Variants in TRIM5 observed in about 807,000 individuals in gnomAD.
TRIM5 encodes tripartite motif containing 5, also known as tripartite motif-containing protein 5.
In TRIM5, 31 loss-of-function variants were observed where a neutral mutation model predicts 35.6. The ratio of observed to expected loss-of-function variants is 0.87; its 90% CI spans 0.65 to 1.18. The LOEUF is 1.18. Ranked by LOEUF, TRIM5 falls within the 50% of genes most tolerant of loss-of-function variation. The probability of loss-of-function intolerance (pLI) is 0.00; values close to 1 mark genes in which losing one functional copy is unlikely to be tolerated. For missense variants in TRIM5, 609 were observed against 591.6 expected (o/e 1.03, Z -0.31); for synonymous variants, 243 against 215.6 (o/e 1.13, Z -1.11).
At chr11:5,643,539 G>T in the TRIM5 span, 1 of 1,614,176 alleles carries the variant, frequency 6.2e-7, no homozygotes, top group African/African-American at 1.3e-5. Context: ...TCCCTGCCGT[G>T]TTGGGGTTTT....
the TRIM5 span, chr11:5,605,573 G>A: frequency 3.7e-6 from 6 of 1,609,924 alleles, no homozygotes; most frequent in East Asian, 2.2e-5. Flanking sequence ...TGCAGGTAAG[G>A]CTTGTGAAGG....
At chr11:5,673,514 A>G (rs1851722783) in intron 4 of TRIM5, among the ~76,000 whole-genome samples, 1 of 152,202 alleles carries the variant, frequency 6.6e-6, no homozygotes, top group South Asian at 2.1e-4. Flanking sequence ...TCAGTAATTA[A>G]TAGAAAAACT....
At chr11:5,632,982 G>A in the TRIM5 span, among the ~76,000 whole-genome samples, 4 of 135,116 alleles carry the variant, frequency 3.0e-5, no homozygotes, top group African/African-American at 1.1e-4. Context: ...GCCTGCCACC[G>A]CGCCTGGCTA....
chr11:5,620,796 A>T, the TRIM5 span, among the ~76,000 whole-genome samples: 47,437 of 151,916 alleles, frequency 0.31, 7,536 homozygotes, highest in African/African-American at 0.37. Context: ...GCTCTGGTAG[A>T]CCTCAGGAAT....
At chr11:5,595,428 A>G in the TRIM5 span, 4 of 152,242 alleles carry the variant, frequency 2.6e-5, no homozygotes, top group African/African-American at 4.8e-5. Context: ...ATACATACAT[A>G]CGTGTAATTT....
chr11:5,654,074 T>C, the TRIM5 span, among the ~76,000 whole-genome samples: 1 of 152,124 alleles, frequency 6.6e-6, no homozygotes, highest in African/African-American at 2.4e-5. Context: ...TCCTGATTTC[T>C]TTTTATTGCC....
chr11:5,609,510 T>A, the TRIM5 span, among the ~76,000 whole-genome samples: 1 of 152,076 alleles, frequency 6.6e-6, no homozygotes, highest in East Asian at 1.9e-4. Context: ...TTTTTAGAGG[T>A]AGCAAAAGAT....
the TRIM5 span, among the ~76,000 whole-genome samples, chr11:5,621,330 G>A: frequency 1.3e-5 from 2 of 152,178 alleles, no homozygotes; most frequent in African/African-American, 4.8e-5. Context: ...CTGCACTGGT[G>A]TCTCTAGATA....
chr11:5,681,130 C>T (rs1488074534), intron 1 of TRIM5, among the ~76,000 whole-genome samples: 1 of 152,116 alleles, frequency 6.6e-6, no homozygotes, highest in Admixed American at 6.6e-5. Flanking sequence ...ACTCAGTGGA[C>T]CACACATGTT....
the TRIM5 span, chr11:5,633,716 G>A: frequency 7.4e-7 from 1 of 1,359,358 alleles, no homozygotes; most frequent in South Asian, 1.5e-5. Context: ...CTTTTTTCTG[G>A]GATCAACTTG....
chr11:5,670,559 C>A (rs16934050), intron 4 of TRIM5, among the ~76,000 whole-genome samples: 24,226 of 152,000 alleles, frequency 0.16, 3,003 homozygotes, highest in East Asian at 0.44. Context: ...TTATATGCAA[C>A]CCTGGCCATG....
the TRIM5 span, among the ~76,000 whole-genome samples, chr11:5,591,760 G>C: frequency 6.6e-6 from 1 of 152,092 alleles, no homozygotes; most frequent in Non-Finnish European, 1.5e-5. Context: ...GGGCTCATCT[G>C]ATTAGATCCT....
At chr11:5,601,177 C>T in the TRIM5 span, among the ~76,000 whole-genome samples, 2 of 152,150 alleles carry the variant, frequency 1.3e-5, no homozygotes, top group Non-Finnish European at 2.9e-5. Flanking sequence ...TTCCATACTT[C>T]GAAAGCACTT....
At chr11:5,660,559 A>C, downstream of TRIM5, among the ~76,000 whole-genome samples, 1 of 152,190 alleles carries the variant, frequency 6.6e-6, no homozygotes, top group East Asian at 1.9e-4. Flanking sequence ...ATTAATGGAA[A>C]TAGAACCTCA....
the TRIM5 span, among the ~76,000 whole-genome samples, chr11:5,636,596 C>A: frequency 1.3e-5 from 2 of 152,156 alleles, no homozygotes; most frequent in Non-Finnish European, 1.5e-5. Flanking sequence ...CTCTTCACAA[C>A]CCTTTGAATC....
Position 5,665,245 on chromosome 11 carries a change from AG to A in TRIM5, c.1045del (p.Leu349TrpfsTer15). On this transcript the variant is annotated frameshift_variant, in exon 8 of 8. Transcript: ENST00000380034. LOFTEE classifies it low-confidence loss of function (END_TRUNC). ...FVNFNYCTGI[L>X]GSQSITSGKH... ...CCCTGATGTGATACTTTGAGAGCCCAGGATGCCAGTACAATAATTGAAATTC... is the reference window on the plus strand; with the variant it reads ...CCCTGATGTGATACTTTGAGAGCCCAGATGCCAGTACAATAATTGAAATTC... 6.2e-7 allele frequency: 1 copy of A among 1,614,244 alleles called. No individual in the cohort carries two copies. The highest frequency in any genetic ancestry group is 8.5e-7 in the Non-Finnish European group (1 of 1,180,042).
the TRIM5 span, chr11:5,603,661 T>TGAGC: frequency 1.7e-5 from 28 of 1,613,514 alleles, 1 homozygote; most frequent in Non-Finnish European, 1.6e-5. Context: ...GGTCATTTGC[T>TGAGC]GGCTTTGTGA....
the TRIM5 span, chr11:5,643,320 G>A: frequency 6.2e-7 from 1 of 1,613,974 alleles, no homozygotes; most frequent in Non-Finnish European, 8.5e-7. Context: ...CAAGAAAACT[G>A]CCTGGATCCT....
At chr11:5,601,967 T>C in the TRIM5 span, among the ~76,000 whole-genome samples, 1 of 152,060 alleles carries the variant, frequency 6.6e-6, no homozygotes, top group African/African-American at 2.4e-5. Flanking sequence ...AGGTCACAGA[T>C]GATCACTGTA....
Sources: gnomAD v4.1 joint callset for allele counts (sites outside exome capture counted in the v4.1 genomes callset) on GRCh38, gnomAD v4.1.1 for gene constraint, MANE v1.5 for transcripts, NCBI Gene and HGNC (gene_info 2026-07-23, HGNC 2026-07-21) for gene names.